Variants in MTMR4 observed in about 807,000 individuals in gnomAD.
The protein encoded by MTMR4 is phosphatidylinositol-3,5-bisphosphate 3-phosphatase MTMR4.
Under a neutral mutation model 125.5 loss-of-function variants are expected in MTMR4, and 30 were observed. The ratio of observed to expected loss-of-function variants is 0.24; its 90% CI spans 0.18 to 0.32. The LOEUF is 0.32. Among genes scored for constraint, MTMR4 ranks in the 10% least tolerant of loss-of-function variants. MTMR4 has a pLI of 1.00. For synonymous variants in MTMR4, 498 were observed against 564.5 expected, an observed-to-expected ratio of 0.88 and a Z score of 1.67; for missense variants, 1,039 against 1,511.5, an observed-to-expected ratio of 0.69 and a Z score of 5.18.
chr17:58,501,799 C>T (rs1598217624), intron 14 of MTMR4, among the ~76,000 whole-genome samples: 3 of 151,944 alleles, frequency 2.0e-5, no homozygotes, highest in African/African-American at 4.8e-5. Flanking sequence ...GGAGCTCACA[C>T]CTGTAATCCC....
At chr17:58,499,707 C>T (rs996648424) in intron 14 of MTMR4, among the ~76,000 whole-genome samples, 12 of 151,928 alleles carry the variant, frequency 7.9e-5, no homozygotes, top group Non-Finnish European at 1.0e-4. Flanking sequence ...CTGCAAACTC[C>T]GCCTTCCCAG....
intron 14 of MTMR4, among the ~76,000 whole-genome samples, chr17:58,502,912 T>C (rs538710060): frequency 1.3e-5 from 2 of 152,324 alleles, no homozygotes; most frequent in Admixed American, 6.5e-5. Context: ...TCTCATAAAT[T>C]AACCAACATC....
chr17:58,507,631 C>G (rs1343629038), intron 7 of MTMR4, among the ~76,000 whole-genome samples: 1 of 152,216 alleles, frequency 6.6e-6, no homozygotes, highest in Non-Finnish European at 1.5e-5. Context: ...CAATTCCAAA[C>G]TTCAGGGTTA....
chr17:58,497,796 C>T (rs1038258181), intron 14 of MTMR4, among the ~76,000 whole-genome samples: 1 of 152,018 alleles, frequency 6.6e-6, no homozygotes, highest in Admixed American at 6.5e-5. Context: ...CTTAGACATC[C>T]AGACAACCAG....
At position 58,504,173 on chromosome 17, in the gene MTMR4, C is replaced by G; in HGVS notation, c.1575G>C (p.Leu525=). 2 of 1,612,462 alleles carry G rather than the reference C, an allele frequency of 1.2e-6. No homozygotes were observed. Among genetic ancestry groups the G allele is most frequent in the Non-Finnish European group, 8.5e-7 (1 of 1,179,262 alleles). ...TCTCTCGCTCACAGGGGTTGTTGGC[C>G]AGGAAGGTGCCGTAGAGGCAGGAGT... is the stretch of plus-strand genomic sequence containing the variant. ...HTYSCLYGTF[L]ANNPCEREKR... The change falls in exon 13 of 18, where the codon CTG becomes CTC. Residue 525 remains leucine (L), a synonymous_variant. Transcript: ENST00000682306. The surrounding 1 kb of genome is among the most constrained non-coding windows in gnomAD (Gnocchi z 7.1).
At chr17:58,514,670 C>G, upstream of MTMR4, 8 of 985,218 alleles carry the variant, frequency 8.1e-6, no homozygotes, top group Non-Finnish European at 9.6e-6. Flanking sequence ...GGGACCGCGG[C>G]GGGAAGGCGG....
At chr17:58,511,383 A>T in intron 4 of MTMR4, 46 bp downstream of exon 4, 1 of 1,518,808 alleles carries the variant, frequency 6.6e-7, no homozygotes, top group Non-Finnish European at 9.1e-7. Context: ...AGAGAACTGG[A>T]CAAGACTAGG....
intron 10 of MTMR4, 135 bp downstream of exon 10, chr17:58,505,337 C>T (rs1335028457): frequency 2.8e-6 from 2 of 710,970 alleles, no homozygotes; most frequent in Non-Finnish European, 4.8e-6. Flanking sequence ...TGGAACTAGC[C>T]CACGGCACCC....
chr17:58,501,763 C>G, intron 14 of MTMR4, among the ~76,000 whole-genome samples: 1 of 151,580 alleles, frequency 6.6e-6, no homozygotes, highest in Non-Finnish European at 1.5e-5. Flanking sequence ...AATATGCATA[C>G]AAAGTAACCC....
At position 58,512,767 on chromosome 17, in the gene MTMR4, G is replaced by T; in HGVS notation, c.135+85C>A. On this transcript the variant is annotated intron_variant, in intron 2 of 17. Coordinates refer to ENST00000682306, the MANE Select transcript of MTMR4 (RefSeq NM_001378067.1). The surrounding 1 kb of genome is among the most constrained non-coding windows in gnomAD (Gnocchi z 4.1). ...TGAAGCCAGAGCTCTGGTACCAGAT[G>T]CCCTTGAGGATTTTTGGGAGAAGGG... 1 of 1,173,484 alleles carries T rather than the reference G, an allele frequency of 8.5e-7. No individual in the cohort carries two copies. The highest frequency in any genetic ancestry group is 1.5e-5 in the African/African-American group (1 of 65,444). 72.7% of individuals were successfully genotyped at this position (1,173,484 alleles called of 1,614,324 possible).
At chr17:58,506,635 G>A in intron 9 of MTMR4, 108 bp downstream of exon 9, 4 of 1,421,142 alleles carry the variant, frequency 2.8e-6, no homozygotes, top group Non-Finnish European at 3.8e-6. Context: ...GTGATTACAA[G>A]CCAGGTTTGT....
chr17:58,511,571 A>C (rs1457086301), intron 3 of MTMR4, 60 bp from the exon 4 acceptor site: 1 of 1,399,874 alleles, frequency 7.1e-7, no homozygotes, highest in Admixed American at 1.8e-5. Context: ...CCTCACCCTC[A>C]CCCTAGCGTA....
intron 14 of MTMR4, among the ~76,000 whole-genome samples, chr17:58,501,069 A>T (rs1975611890): frequency 6.6e-6 from 1 of 152,216 alleles, no homozygotes; most frequent in South Asian, 2.1e-4. Context: ...GGAAGGAAAA[A>T]AAAAATCACT....
intron 15 of MTMR4, 47 bp from the exon 16 acceptor site, chr17:58,492,999 C>G: frequency 1.3e-6 from 2 of 1,482,186 alleles, no homozygotes; most frequent in Non-Finnish European, 9.4e-7. Flanking sequence ...ATCATTAACG[C>G]TTACTGTTTA....
chr17:58,515,484 A>C (rs1199641554), upstream of MTMR4, among the ~76,000 whole-genome samples: 1 of 152,232 alleles, frequency 6.6e-6, no homozygotes, highest in Non-Finnish European at 1.5e-5. Flanking sequence ...TTTATTAAGC[A>C]TCTACAATGA....
Position 58,504,753 on chromosome 17 carries a change from T to C in MTMR4, c.1341+26A>G. 1 of 1,573,776 alleles carries C rather than the reference T, an allele frequency of 6.4e-7. No individual in the cohort carries two copies. The highest frequency in any genetic ancestry group is 8.7e-7 in the Non-Finnish European group (1 of 1,155,844). ...TTCCCTCCTGCCACATTCCTTCTGG[T>C]TTTCCCACCGAATTCCTCTCAATAC... On this transcript the variant is annotated intron_variant, in intron 11 of 17. Coordinates refer to ENST00000682306, the MANE Select transcript of MTMR4 (RefSeq NM_001378067.1). This position sits in a 1 kb window ranked among gnomAD's most constrained non-coding sequence, Gnocchi z 7.1.
At chr17:58,506,974 C>T in intron 8 of MTMR4, 103 bp from the exon 9 acceptor site, 1 of 1,546,220 alleles carries the variant, frequency 6.5e-7, no homozygotes, top group Non-Finnish European at 8.8e-7. Context: ...AACTAGAGAC[C>T]CCTCATACCC....
intron 4 of MTMR4, chr17:58,511,189 C>T: frequency 2.4e-6 from 1 of 408,816 alleles, no homozygotes; most frequent in South Asian, 4.6e-5. Flanking sequence ...TACACATACA[C>T]ATTATCTCAC....
intron 13 of MTMR4, 66 bp from the exon 14 acceptor site, chr17:58,503,964 C>G: frequency 1.3e-6 from 2 of 1,562,416 alleles, no homozygotes; most frequent in Non-Finnish European, 1.7e-6. Context: ...TCCCTAAGCC[C>G]TTGACTCTAC....
Sources: gnomAD v4.1 joint callset for allele counts (sites outside exome capture counted in the v4.1 genomes callset) on GRCh38, gnomAD v4.1.1 for gene constraint, Gnocchi (gnomAD v3.1) non-coding constraint, MANE v1.5 for transcripts, NCBI Gene and HGNC (gene_info 2026-07-23, HGNC 2026-07-21) for gene names.